The following PLCL1 variants were observed in gnomAD, a reference collection of about 807,000 sequenced individuals.
PLCL1 encodes the protein inactive phospholipase C-like protein 1.
In PLCL1, 41 loss-of-function variants were observed where a neutral mutation model predicts 84.4. The observed-to-expected ratio is 0.49, with a 90% confidence interval of 0.38 to 0.63. The LOEUF (loss-of-function observed/expected upper bound fraction) is 0.63. Ranked by LOEUF, PLCL1 falls within the 30% of genes least tolerant of loss-of-function variation. The pLI is 0.00. For synonymous variants in PLCL1, 490 were observed against 488.3 expected (o/e 1.00, Z -0.05); for missense variants, 1,206 against 1,367.8 (o/e 0.88, Z 1.87).
chr2:198,133,070 A>G (rs1351210393), intron 5 of PLCL1, among the ~76,000 whole-genome samples: 3 of 151,980 alleles, frequency 2.0e-5, no homozygotes, highest in Non-Finnish European at 4.4e-5. Context: ...TCCCAGCACC[A>G]TTTGTTAAAT....
intron 1 of PLCL1, among the ~76,000 whole-genome samples, chr2:197,870,733 A>G (rs1327225143): frequency 1.3e-5 from 2 of 152,108 alleles, no homozygotes; most frequent in Non-Finnish European, 2.9e-5. Context: ...CTGCCTTGGT[A>G]TAATTATATT....
chr2:198,130,005 A>T (rs1462714374), intron 5 of PLCL1, among the ~76,000 whole-genome samples: 4 of 151,366 alleles, frequency 2.6e-5, no homozygotes, highest in African/African-American at 9.7e-5. Flanking sequence ...ATTTTTTTTA[A>T]TTTTTTTGAG....
chr2:197,855,559 G>A (rs1449832448), intron 1 of PLCL1, among the ~76,000 whole-genome samples: 1 of 151,976 alleles, frequency 6.6e-6, no homozygotes, highest in African/African-American at 2.4e-5. Context: ...CTCCTGCTTG[G>A]ATTCTACAGG....
intron 1 of PLCL1, among the ~76,000 whole-genome samples, chr2:197,809,277 CT>C (rs1690537987): frequency 6.6e-6 from 1 of 152,172 alleles, no homozygotes; most frequent in Non-Finnish European, 1.5e-5. Flanking sequence ...CAGAGAGCTA[CT>C]GTTAAAATGT....
intron 1 of PLCL1, among the ~76,000 whole-genome samples, chr2:198,071,933 T>G (rs1475619509): frequency 1.3e-5 from 2 of 151,872 alleles, no homozygotes; most frequent in East Asian, 3.8e-4. Context: ...TTTGTTCAAA[T>G]GAATACTCAA....
At chr2:198,098,047 C>T (rs1693243343) in intron 3 of PLCL1, among the ~76,000 whole-genome samples, 1 of 152,044 alleles carries the variant, frequency 6.6e-6, no homozygotes, top group South Asian at 2.1e-4. Flanking sequence ...TACAAATGTA[C>T]CAAGTTTAAT....
At chr2:198,002,499 AC>A (rs1437095340) in intron 1 of PLCL1, among the ~76,000 whole-genome samples, 56 of 152,238 alleles carry the variant, frequency 3.7e-4, no homozygotes, top group African/African-American at 1.4e-3. Context: ...AGTGGGATAT[AC>A]AAAAATACAG....
chr2:197,814,577 A>C (rs2106415835), intron 1 of PLCL1, among the ~76,000 whole-genome samples: 1 of 152,272 alleles, frequency 6.6e-6, no homozygotes, highest in East Asian at 1.9e-4. Context: ...TGAAAGAAAA[A>C]GTTTCACATC....
At position 198,074,088 on chromosome 2, in the gene PLCL1, A is replaced by G. The variant is rs144218431; in HGVS notation, c.241-9670A>G. On this transcript the variant is annotated intron_variant, in intron 1 of 5. Coordinates refer to ENST00000428675, the MANE Select transcript of PLCL1 (RefSeq NM_006226.4). The stretch of plus-strand genomic sequence containing the variant: ...AGAACTGATTTCATTTCTAAGAAAT[A>G]CCACTAGTCGTTATATATTTTATGT... Among the ~76,000 whole-genome samples the G allele has an allele frequency of 1.2e-3, 190 of 152,306 alleles. 1 individual carries two copies. Among genetic ancestry groups the G allele is most frequent in the Non-Finnish European group, 2.2e-3 (147 of 68,010 alleles).
At chr2:197,935,163 G>A (rs752989029) in intron 1 of PLCL1, among the ~76,000 whole-genome samples, 3 of 152,160 alleles carry the variant, frequency 2.0e-5, no homozygotes, top group Non-Finnish European at 2.9e-5. Context: ...AGAGAAAAGA[G>A]AACACTTATA....
chr2:198,057,741 G>T (rs936649881), intron 1 of PLCL1, among the ~76,000 whole-genome samples: 2 of 152,142 alleles, frequency 1.3e-5, no homozygotes, highest in Non-Finnish European at 2.9e-5. Context: ...GCTTTACAAG[G>T]AATTTCCTCT....
chr2:197,919,544 A>G (rs1243887059), intron 1 of PLCL1, among the ~76,000 whole-genome samples: 7 of 152,228 alleles, frequency 4.6e-5, no homozygotes, highest in Non-Finnish European at 7.3e-5. Flanking sequence ...AGTTGTCATT[A>G]GTTCTGCTCC....
intron 1 of PLCL1, among the ~76,000 whole-genome samples, chr2:197,868,017 A>G (rs1687580991): frequency 6.6e-6 from 1 of 152,206 alleles, no homozygotes; most frequent in African/African-American, 2.4e-5. Flanking sequence ...TAGGTAAAAT[A>G]CCAAATGGTT....
rs991662784 is a variant in PLCL1, at chr2:198,121,524, T to C, written c.3105+17588T>C. ...GGATCTAGTTTCATTCTTTTGAATA[T>C]GGACATCCAGTTTTCCCAGCACCAT... On this transcript the variant is annotated intron_variant, in intron 5 of 5. Coordinates refer to ENST00000428675, the MANE Select transcript of PLCL1 (RefSeq NM_006226.4). Among the ~76,000 whole-genome samples, 4 of 152,240 alleles carry C rather than the reference T, an allele frequency of 2.6e-5. No homozygotes were observed. The East Asian group carries it at 7.8e-4, about 30-fold the overall frequency.
At chr2:197,907,230 CT>C (rs1241520274) in intron 1 of PLCL1, among the ~76,000 whole-genome samples, 1 of 151,602 alleles carries the variant, frequency 6.6e-6, no homozygotes, top group Non-Finnish European at 1.5e-5. Context: ...TTCAAATAGT[CT>C]TTTTTCTTTT....
chr2:197,825,698 C>T (rs948473913), intron 1 of PLCL1, among the ~76,000 whole-genome samples: 22 of 152,164 alleles, frequency 1.4e-4, no homozygotes, highest in African/African-American at 4.8e-4. Flanking sequence ...TGAGAGACAG[C>T]GTGGGCAGGT....
chr2:198,050,424 C>A (rs1237866144), intron 1 of PLCL1, among the ~76,000 whole-genome samples: 1 of 149,032 alleles, frequency 6.7e-6, no homozygotes, highest in Non-Finnish European at 1.5e-5. Flanking sequence ...GTGGGGAGGG[C>A]AGGGGAGGAG....
intron 1 of PLCL1, chr2:197,810,324 T>G: frequency 8.3e-7 from 1 of 1,204,848 alleles, no homozygotes; most frequent in Non-Finnish European, 1.1e-6. Context: ...AAACTTCAGG[T>G]AAAGAGCTTT....
At chr2:197,810,982 C>T (rs1451523617) in intron 1 of PLCL1, among the ~76,000 whole-genome samples, 1 of 152,170 alleles carries the variant, frequency 6.6e-6, no homozygotes, top group Non-Finnish European at 1.5e-5. Context: ...TTGTGTTGGA[C>T]TTTACATTGA....
Sources: gnomAD v4.1 joint callset for allele counts (sites outside exome capture counted in the v4.1 genomes callset) on GRCh38, gnomAD v4.1.1 for gene constraint, MANE v1.5 for transcripts, NCBI Gene and HGNC (gene_info 2026-07-23, HGNC 2026-07-21) for gene names.